RNF125: variants seen among roughly 807,000 people sequenced by gnomAD.
RNF125 encodes the protein E3 ubiquitin-protein ligase RNF125.
Under a neutral mutation model 26.0 loss-of-function variants are expected in RNF125, and 21 were observed. The ratio of observed to expected loss-of-function variants is 0.81; its 90% CI spans 0.57 to 1.16. The LOEUF is 1.16. Ranked by LOEUF, RNF125 falls within the 50% of genes most tolerant of loss-of-function variation. RNF125 has a pLI of 0.00. For synonymous variants in RNF125, 95 were observed against 109.2 expected, an observed-to-expected ratio of 0.87 and a Z score of 0.81; for missense variants, 270 against 299.4, an observed-to-expected ratio of 0.90 and a Z score of 0.72.
At chr18:32,032,907 T>C (rs927781617) in intron 1 of RNF125, among the ~76,000 whole-genome samples, 4 of 152,170 alleles carry the variant, frequency 2.6e-5, no homozygotes, top group African/African-American at 4.8e-5. Context: ...GAGTATTCAT[T>C]TGATACTCTG....
At chr18:32,065,175 A>G (rs918623084) in intron 4 of RNF125, among the ~76,000 whole-genome samples, 17 of 152,186 alleles carry the variant, frequency 1.1e-4, no homozygotes, top group African/African-American at 4.1e-4. Context: ...ATGGATGAAT[A>G]AAGTTGACAG....
intron 2 of RNF125, among the ~76,000 whole-genome samples, chr18:32,040,872 C>A (rs926420171): frequency 6.6e-6 from 1 of 152,092 alleles, no homozygotes; most frequent in Non-Finnish European, 1.5e-5. Context: ...TGTTACAGGT[C>A]GTAAAATACA....
intron 4 of RNF125, among the ~76,000 whole-genome samples, chr18:32,049,107 A>G (rs1006299774): frequency 9.2e-5 from 14 of 152,188 alleles, no homozygotes; most frequent in African/African-American, 3.4e-4. Context: ...TACCTGCTCC[A>G]GCAGAAATCC....
In RNF125 at chr18:32,046,767, G is replaced by A. The variant is rs1048138975; in HGVS notation, c.504+1035G>A. Reference sequence around the variant, plus strand: ...ATTATTTCCTATATTCATTGTGAATGATGCTTTTTCCTTTTCAGCCTTGGC... The same window carrying A: ...ATTATTTCCTATATTCATTGTGAATAATGCTTTTTCCTTTTCAGCCTTGGC... On this transcript the variant is annotated intron_variant, in intron 4 of 5. Coordinates refer to ENST00000217740, the MANE Select transcript of RNF125 (RefSeq NM_017831.4). Among the ~76,000 whole-genome samples, 3 of 152,114 alleles carry A rather than the reference G, an allele frequency of 2.0e-5. No individual in the cohort carries two copies. The East Asian group carries it at 5.8e-4, about 29-fold the overall frequency.
At chr18:32,048,149 T>C (rs1355550938) in intron 4 of RNF125, among the ~76,000 whole-genome samples, 2 of 150,738 alleles carry the variant, frequency 1.3e-5, no homozygotes, top group Non-Finnish European at 2.9e-5. Context: ...CAGTGGCTCA[T>C]GCCTATAATC....
intron 4 of RNF125, among the ~76,000 whole-genome samples, chr18:32,055,149 A>G (rs373850826): frequency 6.6e-6 from 1 of 151,740 alleles, no homozygotes; most frequent in Non-Finnish European, 1.5e-5. Flanking sequence ...CAACAACAAA[A>G]TTAGCTGGAC....
chr18:32,062,612 TAAGA>T (rs1054512923), intron 4 of RNF125, among the ~76,000 whole-genome samples: 22 of 151,848 alleles, frequency 1.4e-4, no homozygotes, highest in African/African-American at 5.3e-4. Context: ...CATAAAACAA[TAAGA>T]AAGAAAAGAA....
At chr18:32,082,454 C>T in the RNF125 span, among the ~76,000 whole-genome samples, 2 of 152,034 alleles carry the variant, frequency 1.3e-5, no homozygotes, top group Admixed American at 6.6e-5. Flanking sequence ...AACCTGGGAG[C>T]GTAGATTCAG....
At chr18:32,052,447 T>C (rs57172349) in intron 4 of RNF125, among the ~76,000 whole-genome samples, 11,379 of 150,742 alleles carry the variant, frequency 0.075, 1,419 homozygotes, top group African/African-American at 0.26. Flanking sequence ...GAGTCAAGAT[T>C]GTGCCACTGC....
chr18:32,034,442 G>A (rs920764040), intron 1 of RNF125, among the ~76,000 whole-genome samples: 1 of 152,150 alleles, frequency 6.6e-6, no homozygotes, highest in African/African-American at 2.4e-5. Flanking sequence ...TCTTCACACT[G>A]TTCCTTTACG....
At chr18:32,067,144 T>G (rs1034752773) in intron 5 of RNF125, among the ~76,000 whole-genome samples, 2 of 152,188 alleles carry the variant, frequency 1.3e-5, no homozygotes, top group Non-Finnish European at 2.9e-5. Context: ...TCCCAGCTAC[T>G]CTGGAGGCTG....
intron 1 of RNF125, among the ~76,000 whole-genome samples, chr18:32,034,311 C>T (rs2039129266): frequency 1.3e-5 from 2 of 152,172 alleles, no homozygotes; most frequent in Admixed American, 1.3e-4. Context: ...GGCGTTATCT[C>T]CTTAGCATCC....
At chr18:32,061,247 A>G (rs539011052) in intron 4 of RNF125, among the ~76,000 whole-genome samples, 1 of 152,152 alleles carries the variant, frequency 6.6e-6, no homozygotes, top group African/African-American at 2.4e-5. Flanking sequence ...GATGGTGTCG[A>G]TCTCCTGACC....
chr18:32,047,323 C>G (rs2039282145), intron 4 of RNF125, among the ~76,000 whole-genome samples: 1 of 152,190 alleles, frequency 6.6e-6, no homozygotes, highest in Non-Finnish European at 1.5e-5. Context: ...AGGTGTGAGC[C>G]ACCGCGCCTG....
At chr18:32,059,793 C>CT (rs1289097169) in intron 4 of RNF125, among the ~76,000 whole-genome samples, 3 of 147,282 alleles carry the variant, frequency 2.0e-5, no homozygotes, top group African/African-American at 7.7e-5. Context: ...TTGATTTTGA[C>CT]TATTTTTTTT....
chr18:32,052,492 C>CAA (rs11305889), intron 4 of RNF125, among the ~76,000 whole-genome samples: 1 of 124,804 alleles, frequency 8.0e-6, no homozygotes. Context: ...GACTCCATCT[C>CAA]AAAAAAAAAA....
intron 1 of RNF125, among the ~76,000 whole-genome samples, chr18:32,021,723 G>A (rs147494914): frequency 1.9e-3 from 288 of 152,214 alleles, no homozygotes; most frequent in African/African-American, 6.8e-3. Context: ...TGTTTTCTCG[G>A]TTTGGACTTT....
downstream of RNF125, chr18:32,076,312 GGTT>G (rs1263413037): frequency 2.6e-5 from 8 of 310,550 alleles, no homozygotes; most frequent in Non-Finnish European, 5.0e-5. Context: ...GGTTTTTTTT[GGTT>G]GTTTTTTTGT....
chr18:32,067,434 TG>T (rs772331843), intron 5 of RNF125, among the ~76,000 whole-genome samples: 3 of 152,234 alleles, frequency 2.0e-5, no homozygotes, highest in African/African-American at 7.2e-5. Flanking sequence ...GCCATATTCT[TG>T]GGTAGGGAAG....
Sources: gnomAD v4.1 joint callset for allele counts (sites outside exome capture counted in the v4.1 genomes callset) on GRCh38, gnomAD v4.1.1 for gene constraint, MANE v1.5 for transcripts, NCBI Gene and HGNC (gene_info 2026-07-23, HGNC 2026-07-21) for gene names.